KIFC3: variants seen among roughly 807,000 people sequenced by gnomAD.
The protein encoded by KIFC3 is kinesin-like protein KIFC3.
A neutral mutation model predicts 101.8 loss-of-function variants in KIFC3; 60 were observed. That is an observed-to-expected ratio of 0.59 (90% CI 0.48 to 0.73). The LOEUF is 0.73. Ranked by LOEUF, KIFC3 falls within the 30% of genes least tolerant of loss-of-function variation. The pLI is 0.00. For synonymous variants in KIFC3, 476 were observed against 482.7 expected (o/e 0.99, Z 0.18); for missense variants, 966 against 1,137.1 (o/e 0.85, Z 2.16).
At chr16:57,795,424 G>C (rs2054209319) in intron 2 of KIFC3, among the ~76,000 whole-genome samples, 1 of 152,234 alleles carries the variant, frequency 6.6e-6, no homozygotes, top group African/African-American at 2.4e-5. Flanking sequence ...CCCCACAGTG[G>C]CTTTTGGGGC....
intron 1 of KIFC3, among the ~76,000 whole-genome samples, chr16:57,811,840 G>T (rs554953707): frequency 3.3e-5 from 5 of 150,986 alleles, no homozygotes; most frequent in Admixed American, 1.3e-4. Flanking sequence ...ACTTGAACCT[G>T]GGAGGCAGAG....
chr16:57,765,749 T>G (rs2050413639), intron 10 of KIFC3, 109 bp from the exon 11 acceptor site: 1 of 1,026,526 alleles, frequency 9.7e-7, no homozygotes, highest in Non-Finnish European at 1.4e-6. Context: ...TCCCCTGACT[T>G]TTAAGCACAG....
intron 1 of KIFC3, among the ~76,000 whole-genome samples, chr16:57,854,039 T>C (rs2056112951): frequency 6.6e-6 from 1 of 152,132 alleles, no homozygotes; most frequent in South Asian, 2.1e-4. Context: ...CTTCCCAGGC[T>C]CCAGCAATTC....
chr16:57,822,650 T>C (rs1555630092), intron 1 of KIFC3, among the ~76,000 whole-genome samples: 1 of 151,040 alleles, frequency 6.6e-6, no homozygotes, highest in Non-Finnish European at 1.5e-5. Context: ...TGAGCCGAGA[T>C]CACACCATTG....
intron 1 of KIFC3, chr16:57,816,592 C>T (rs1172081623): frequency 2.2e-6 from 1 of 456,732 alleles, no homozygotes; most frequent in East Asian, 6.9e-5. Context: ...TGTTGCCAGA[C>T]AGGTTCCTGA....
At chr16:57,831,421 T>TG (rs2055578052) in intron 1 of KIFC3, among the ~76,000 whole-genome samples, 1 of 152,236 alleles carries the variant, frequency 6.6e-6, no homozygotes, top group African/African-American at 2.4e-5. Flanking sequence ...GGCTCATGCC[T>TG]GTAATACCAA....
At chr16:57,767,034 A>G (rs781846191) in intron 9 of KIFC3, 49 bp from the exon 10 acceptor site, 2 of 1,489,844 alleles carry the variant, frequency 1.3e-6, no homozygotes, top group Non-Finnish European at 1.9e-6. Context: ...CATCAGCCTT[A>G]CCGGCCTGAC....
rs1568088586 is a variant in KIFC3, at chr16:57,823,805, T to TGTGTG, written c.109-25524_109-25523insCACAC. 5.6e-4 allele frequency among the ~76,000 whole-genome samples: 36 copies of TGTGTG among 64,602 alleles called. No homozygotes were observed. The South Asian group carries it at 0.01, about 18-fold the overall frequency. 42.4% of individuals were successfully genotyped at this position (64,602 alleles called of 152,430 possible). A position where few individuals can be genotyped will look rare whatever the true frequency, so the allele number is the denominator to read the frequency against. On this transcript the variant is annotated intron_variant, in intron 1 of 2. Transcript: ENST00000563028. ...TGTGTGTGTGTGTGTGTGTGTGTGT[T>TGTGTG]TTTAGTAGAGATGGTGTTTCACCAC...
At position 57,760,335 on chromosome 16, in the gene KIFC3, G is replaced by T. The variant is rs1555594974; in HGVS notation, c.2314C>A (p.Pro772Thr). Residue 772 changes from proline to threonine, a missense_variant, in exon 17 of 20, where the codon CCT becomes ACT. Coordinates refer to ENST00000445690, the MANE Select transcript of KIFC3 (RefSeq NM_001130100.2). ...CCAAGCTCTGCCCTGCGTAGCCCAG[G>T]CCCCAGCTCCACAGAGCGCACCCTC... is the stretch of plus-strand genomic sequence containing the variant. ...AERVRSVELG[P>T]GLRRAELGSW... 1.2e-6 allele frequency: 2 copies of T among 1,613,818 alleles called. No individual in the cohort carries two copies. Among genetic ancestry groups the T allele is most frequent in the East Asian group, 2.2e-5 (1 of 44,900 alleles).
chr16:57,780,505 T>C (rs562363484), intron 3 of KIFC3, among the ~76,000 whole-genome samples: 1 of 150,028 alleles, frequency 6.7e-6, no homozygotes, highest in Non-Finnish European at 1.5e-5. Flanking sequence ...AGCAAGATTC[T>C]CTCTCAAGAA....
chr16:57,787,948 C>T (rs944663800), intron 3 of KIFC3, among the ~76,000 whole-genome samples: 8 of 152,240 alleles, frequency 5.3e-5, no homozygotes, highest in African/African-American at 1.4e-4. Context: ...CTCTTCCTTC[C>T]GGGCTCCTAG....
At chr16:57,825,546 G>A (rs956340666) in intron 1 of KIFC3, among the ~76,000 whole-genome samples, 1 of 152,328 alleles carries the variant, frequency 6.6e-6, no homozygotes, top group South Asian at 2.1e-4. Flanking sequence ...CTAATTTAGA[G>A]TGGCAGCTGC....
At chr16:57,802,518 T>C, upstream of KIFC3, 2 of 984,528 alleles carry the variant, frequency 2.0e-6, no homozygotes, top group Non-Finnish European at 2.4e-6. The surrounding 1 kb of genome is among the most constrained non-coding windows in gnomAD (Gnocchi z 5.0). Flanking sequence ...AGGAAATGAT[T>C]AACTCGGGCC....
At chr16:57,823,399 C>T (rs543926298) in intron 1 of KIFC3, among the ~76,000 whole-genome samples, 37 of 152,266 alleles carry the variant, frequency 2.4e-4, no homozygotes, top group African/African-American at 8.7e-4. Flanking sequence ...GCCCTGACTA[C>T]CTTGGGCACT....
At position 57,759,153 on chromosome 16, in the gene KIFC3, G is replaced by A. The variant is rs2148815435; in HGVS notation, c.2477C>T (p.Ala826Val). 2 of 1,550,946 alleles carry A rather than the reference G, an allele frequency of 1.3e-6. No homozygotes were observed. The highest frequency in any genetic ancestry group is 2.4e-5 in the East Asian group (1 of 40,922). Residue 826 changes from alanine to valine, a missense_variant and splice_region_variant, in exon 19 of 20, where the codon GCC becomes GTC. Coordinates refer to ENST00000445690, the MANE Select transcript of KIFC3 (RefSeq NM_001130100.2). Reference sequence around the variant, plus strand: ...GAGACTCTGCAGCCCCAGCCGTCAGGCTGAAATCAAAGTGACAGGCGTCTC... The same window carrying A: ...GAGACTCTGCAGCCCCAGCCGTCAGACTGAAATCAAAGTGACAGGCGTCTC... ...GSIRRKLQPS[A>V]
Position 57,759,850 on chromosome 16 carries a change from AG to A in KIFC3, c.2368-15del. The A allele has an allele frequency of 2.5e-6, 4 of 1,596,104 alleles. No individual in the cohort carries two copies. Among genetic ancestry groups the A allele is most frequent in the Middle Eastern group, 1.7e-4 (1 of 5,912 alleles). On this transcript the variant is annotated splice_polypyrimidine_tract_variant and intron_variant, in intron 17 of 19. Coordinates refer to ENST00000445690, the MANE Select transcript of KIFC3 (RefSeq NM_001130100.2). ...AGCCGGCTCCCACTGTGAGCAGGGA[AG>A]GGCGGATGGGCGGGGGCCACGGCTG...
At chr16:57,802,650 A>C (rs1382333663), upstream of KIFC3, 2 of 796,440 alleles carry the variant, frequency 2.5e-6, no homozygotes, top group Admixed American at 4.7e-5. The surrounding 1 kb of genome is among the most constrained non-coding windows in gnomAD (Gnocchi z 5.0). Context: ...TCCCGCCGGC[A>C]CTCCCACTCC....
chr16:57,800,580 G>A (rs2054653759), intron 1 of KIFC3, among the ~76,000 whole-genome samples: 1 of 152,220 alleles, frequency 6.6e-6, no homozygotes, highest in Non-Finnish European at 1.5e-5. Context: ...AGTGGACAGA[G>A]AAGACTTTCA....
chr16:57,769,553 A>G lies in KIFC3; in HGVS notation c.1218+42T>C. The G allele has an allele frequency of 6.4e-7, 1 of 1,574,314 alleles. No individual in the cohort carries two copies. The highest frequency in any genetic ancestry group is 8.6e-7 in the Non-Finnish European group (1 of 1,160,794). On this transcript the variant is annotated intron_variant, in intron 9 of 19. Transcript: ENST00000445690. The surrounding 1 kb of genome is among the most constrained non-coding windows in gnomAD (Gnocchi z 4.3). Reference sequence around the variant, plus strand: ...GTGGATGTCGTGCCTCTCCCAGTGCACCCCCTTAGCCTGGACCCTCCCACC... The same window carrying G: ...GTGGATGTCGTGCCTCTCCCAGTGCGCCCCCTTAGCCTGGACCCTCCCACC...
Sources: gnomAD v4.1 joint callset for allele counts (sites outside exome capture counted in the v4.1 genomes callset) on GRCh38, gnomAD v4.1.1 for gene constraint, Gnocchi (gnomAD v3.1) non-coding constraint, MANE v1.5 for transcripts, NCBI Gene and HGNC (gene_info 2026-07-23, HGNC 2026-07-21) for gene names.